ABLIM2: variants seen among roughly 807,000 people sequenced by gnomAD.
ABLIM2 encodes actin binding LIM protein family member 2, also known as actin-binding LIM protein 2.
ABLIM2 carries 53 observed loss-of-function variants against 97.7 expected under a neutral mutation model. The observed-to-expected ratio is 0.54, with a 90% confidence interval of 0.44 to 0.68. ABLIM2 has a LOEUF of 0.68. ABLIM2 is among the 30% of genes least tolerant of loss of function. The probability of loss-of-function intolerance (pLI) is 0.00; values close to 1 mark genes in which losing one functional copy is unlikely to be tolerated. For synonymous variants in ABLIM2, 361 were observed against 345.8 expected (o/e 1.04, Z -0.49); for missense variants, 835 against 867.2 (o/e 0.96, Z 0.47).
At chr4:8,034,975 G>A (rs1198067930) in intron 10 of ABLIM2, among the ~76,000 whole-genome samples, 3 of 128,470 alleles carry the variant, frequency 2.3e-5, no homozygotes, top group African/African-American at 9.0e-5. Flanking sequence ...GGTACGGGTG[G>A]GTGGTGGGTG....
chr4:8,013,406 T>C (rs890414915), intron 14 of ABLIM2, among the ~76,000 whole-genome samples: 3 of 152,036 alleles, frequency 2.0e-5, no homozygotes, highest in Non-Finnish European at 4.4e-5. Context: ...GCATTTTTAG[T>C]TGAGACAGGG....
chr4:8,079,766 G>A (rs577805002), intron 5 of ABLIM2, among the ~76,000 whole-genome samples: 1 of 150,368 alleles, frequency 6.7e-6, no homozygotes. Flanking sequence ...GCGTGCGTGT[G>A]TGTGTGTGTG....
At chr4:7,983,166 G>A in intron 20 of ABLIM2, 98 bp downstream of exon 20, 1 of 1,289,980 alleles carries the variant, frequency 7.8e-7, no homozygotes. Flanking sequence ...GTCCCCCACG[G>A]TGGCCCCTTG....
At chr4:8,157,193 C>T (rs1715642473) in intron 1 of ABLIM2, among the ~76,000 whole-genome samples, 3 of 152,134 alleles carry the variant, frequency 2.0e-5, no homozygotes, top group Non-Finnish European at 4.4e-5. Flanking sequence ...CCCAGTGCCC[C>T]CACACCCCTT....
At chr4:8,093,392 G>A (rs1235274162) in intron 3 of ABLIM2, among the ~76,000 whole-genome samples, 2 of 152,126 alleles carry the variant, frequency 1.3e-5, no homozygotes, top group African/African-American at 2.4e-5. Flanking sequence ...GTGCAGATTG[G>A]CTGGCAACAA....
At chr4:8,049,304 C>G (rs1214280153) in intron 8 of ABLIM2, among the ~76,000 whole-genome samples, 1 of 152,250 alleles carries the variant, frequency 6.6e-6, no homozygotes, top group Non-Finnish European at 1.5e-5. Context: ...GGGGCATTTG[C>G]ACTGGGGACA....
intron 10 of ABLIM2, among the ~76,000 whole-genome samples, chr4:8,030,831 C>T (rs930110296): frequency 5.3e-5 from 8 of 152,202 alleles, no homozygotes; most frequent in African/African-American, 1.9e-4. Flanking sequence ...GTGCAAGTGG[C>T]CCCTTGTGTG....
intron 1 of ABLIM2, among the ~76,000 whole-genome samples, chr4:8,116,840 C>G (rs1240337285): frequency 6.6e-6 from 1 of 152,158 alleles, no homozygotes; most frequent in East Asian, 1.9e-4. Flanking sequence ...AGGTCCCAAA[C>G]TGTTCCTGAT....
chr4:8,045,204 G>C lies in ABLIM2; in HGVS notation c.860C>G (p.Pro287Arg). 6.2e-7 allele frequency: 1 copy of C among 1,614,004 alleles called. No individual in the cohort carries two copies. Among genetic ancestry groups the C allele is most frequent in the South Asian group, 1.1e-5 (1 of 91,090 alleles). The change falls in exon 9 of 21, where the codon CCT becomes CGT. Residue 287 changes from proline (P) to arginine (R), a missense_variant. Transcript: ENST00000447017. ...RTSSESIISV[P>R]ASSTSGSPSR... ...CGGAGACCCTGAGGTGCTGGAAGCA[G>C]GGACAGAAATGATGCTCTCTGAGGA...
At chr4:8,126,343 G>A (rs1473334667) in intron 1 of ABLIM2, among the ~76,000 whole-genome samples, 1 of 152,004 alleles carries the variant, frequency 6.6e-6, no homozygotes, top group Non-Finnish European at 1.5e-5. Context: ...GCCGCTGGAG[G>A]CCCTGGCACT....
At chr4:8,096,923 G>A (rs1309833879) in intron 3 of ABLIM2, among the ~76,000 whole-genome samples, 176 bp downstream of exon 3, 1 of 152,344 alleles carries the variant, frequency 6.6e-6, no homozygotes, top group East Asian at 1.9e-4. Flanking sequence ...CCTGTGAGGA[G>A]GCCTCTGTAT....
chr4:8,132,869 G>C lies in ABLIM2; in HGVS notation c.10+25811C>G, dbSNP rs986637292. Reference sequence around the variant, plus strand: ...CCAGCCCCTACCCGGGCACGTGGTGGGCACTCGGTAATTGGCATCTTTGTT... The same window carrying C: ...CCAGCCCCTACCCGGGCACGTGGTGCGCACTCGGTAATTGGCATCTTTGTT... On this transcript the variant is annotated intron_variant, in intron 1 of 20. Coordinates refer to ENST00000447017, the MANE Select transcript of ABLIM2 (RefSeq NM_001130083.2). This position sits in a 1 kb window ranked among gnomAD's most constrained non-coding sequence, Gnocchi z 8.0. Among the ~76,000 whole-genome samples the C allele has an allele frequency of 1.3e-5, 2 of 152,178 alleles. No homozygotes were observed. Among genetic ancestry groups the C allele is most frequent in the Non-Finnish European group, 2.9e-5 (2 of 68,030 alleles).
chr4:8,063,793 C>T (rs1805074066), intron 6 of ABLIM2, among the ~76,000 whole-genome samples: 1 of 152,222 alleles, frequency 6.6e-6, no homozygotes, highest in Non-Finnish European at 1.5e-5. Flanking sequence ...TATCCAGTTT[C>T]CCCATTCTCT....
chr4:8,148,918 C>T lies in ABLIM2; in HGVS notation c.10+9762G>A, dbSNP rs142604919. ...CGCAGGCACCCGGGAGATCAGGCCACGCCAGGACCCGGGATCTGGAGGCAC... is the reference window on the plus strand; with the variant it reads ...CGCAGGCACCCGGGAGATCAGGCCATGCCAGGACCCGGGATCTGGAGGCAC... On this transcript the variant is annotated intron_variant, in intron 1 of 20. Coordinates refer to ENST00000447017, the MANE Select transcript of ABLIM2 (RefSeq NM_001130083.2). The surrounding 1 kb of genome is among the most constrained non-coding windows in gnomAD (Gnocchi z 6.7). Among the ~76,000 whole-genome samples, 1,897 of 152,320 alleles carry T rather than the reference C, an allele frequency of 0.012. 19 individuals are homozygous for T. The highest frequency in any genetic ancestry group is 0.024 in the Middle Eastern group (7 of 294).
rs953477281 is a variant in ABLIM2 at position 8,122,774 on chromosome 4, C to A, written c.11-16137G>T. 6.6e-6 allele frequency among the ~76,000 whole-genome samples: 1 copy of A among 152,174 alleles called. No individual in the cohort carries two copies. Among genetic ancestry groups the A allele is most frequent in the African/African-American group, 2.4e-5 (1 of 41,418 alleles). On this transcript the variant is annotated intron_variant, in intron 1 of 20. Coordinates refer to ENST00000447017, the MANE Select transcript of ABLIM2 (RefSeq NM_001130083.2). This position sits in a 1 kb window ranked among gnomAD's most constrained non-coding sequence, Gnocchi z 4.1. ...CCTGCACAGCTGGGACCTGTCCTCT[C>A]TTCACCATTTACGGATGGGCAAACA...
At position 8,112,796 on chromosome 4, in the gene ABLIM2, C is replaced by T. The variant is rs1366699922; in HGVS notation, c.11-6159G>A. Reference sequence around the variant, plus strand: ...GGATGCCAAGGCTAGGAGATGGTCACACGGCTAAGAGACTGAGGCCCAGCT... The same window carrying T: ...GGATGCCAAGGCTAGGAGATGGTCATACGGCTAAGAGACTGAGGCCCAGCT... On this transcript the variant is annotated intron_variant, in intron 1 of 20. Coordinates refer to ENST00000447017, the MANE Select transcript of ABLIM2 (RefSeq NM_001130083.2). This position sits in a 1 kb window ranked among gnomAD's most constrained non-coding sequence, Gnocchi z 4.2. 6.6e-6 allele frequency among the ~76,000 whole-genome samples: 1 copy of T among 152,184 alleles called. No homozygotes were observed. Among genetic ancestry groups the T allele is most frequent in the African/African-American group, 2.4e-5 (1 of 41,440 alleles).
In ABLIM2 at chr4:8,155,893, C is replaced by T. The variant is rs1322351614; in HGVS notation, c.10+2787G>A. ...GGCGAGGACACAGGGAGAGGGCGGC[C>T]GTCCACAAGCCAAGGAGAGGGGCTT... On this transcript the variant is annotated intron_variant, in intron 1 of 20. Coordinates refer to ENST00000447017, the MANE Select transcript of ABLIM2 (RefSeq NM_001130083.2). The surrounding 1 kb of genome is among the most constrained non-coding windows in gnomAD (Gnocchi z 4.2). Among the ~76,000 whole-genome samples, 1 of 151,914 alleles carries T rather than the reference C, an allele frequency of 6.6e-6. No individual in the cohort carries two copies. Among genetic ancestry groups the T allele is most frequent in the African/African-American group, 2.4e-5 (1 of 41,312 alleles).
rs1293022198 is a variant in ABLIM2, at chr4:8,124,556, G to A, written c.11-17919C>T. ...CTTTCACTCGGCGTCATGTTTTCAGGGAGTGTCCGTGGTGTGGTGGGCGTC... is the reference window on the plus strand; with the variant it reads ...CTTTCACTCGGCGTCATGTTTTCAGAGAGTGTCCGTGGTGTGGTGGGCGTC... On this transcript the variant is annotated intron_variant, in intron 1 of 20. Transcript: ENST00000447017. The surrounding 1 kb of genome is among the most constrained non-coding windows in gnomAD (Gnocchi z 6.1). Among the ~76,000 whole-genome samples the A allele has an allele frequency of 6.6e-6, 1 of 152,102 alleles. No homozygotes were observed. Among genetic ancestry groups the A allele is most frequent in the Non-Finnish European group, 1.5e-5 (1 of 68,026 alleles).
chr4:8,119,485 A>T (rs1844327046), intron 1 of ABLIM2, among the ~76,000 whole-genome samples: 1 of 151,706 alleles, frequency 6.6e-6, no homozygotes, highest in African/African-American at 2.4e-5. Context: ...GTGCCACCAC[A>T]CCGGGATAAT....
Sources: gnomAD v4.1 joint callset for allele counts (sites outside exome capture counted in the v4.1 genomes callset) on GRCh38, gnomAD v4.1.1 for gene constraint, Gnocchi (gnomAD v3.1) non-coding constraint, MANE v1.5 for transcripts, NCBI Gene and HGNC (gene_info 2026-07-23, HGNC 2026-07-21) for gene names.